The following CACNA2D3 variants were observed in gnomAD, a reference collection of about 807,000 sequenced individuals.
CACNA2D3 encodes the protein voltage-dependent calcium channel subunit alpha-2/delta-3.
In CACNA2D3, 60 loss-of-function variants were observed where a neutral mutation model predicts 160.6. The observed-to-expected ratio is 0.37, with a 90% CI of 0.30 to 0.46. The LOEUF is 0.46. Among genes scored for constraint, CACNA2D3 ranks in the 20% least tolerant of loss-of-function variants. The probability of loss-of-function intolerance (pLI) is 1.00; values close to 1 mark genes in which losing one functional copy is unlikely to be tolerated. For synonymous variants in CACNA2D3, 558 were observed against 492.9 expected (o/e 1.13, Z -1.75); for missense variants, 1,205 against 1,365.0 (o/e 0.88, Z 1.85).
intron 9 of CACNA2D3, among the ~76,000 whole-genome samples, chr3:54,611,297 C>A (rs952164880): frequency 6.6e-6 from 1 of 152,154 alleles, no homozygotes; most frequent in Non-Finnish European, 1.5e-5. Context: ...AATTGTCAAC[C>A]CTTTCTCAGA....
chr3:54,504,756 A>T (rs9841238), intron 5 of CACNA2D3, among the ~76,000 whole-genome samples: 6,310 of 152,218 alleles, frequency 0.041, 454 homozygotes, highest in African/African-American at 0.14. Flanking sequence ...TTAAGTCCTG[A>T]TCTTCCTCTT....
chr3:54,331,269 C>T (rs564788397), intron 3 of CACNA2D3, among the ~76,000 whole-genome samples: 46 of 152,230 alleles, frequency 3.0e-4, no homozygotes, highest in Non-Finnish European at 5.9e-4. Flanking sequence ...CATCCTGGGC[C>T]TCCATGTCCA....
chr3:54,541,903 G>A (rs1421965739), intron 5 of CACNA2D3, among the ~76,000 whole-genome samples: 1 of 150,810 alleles, frequency 6.6e-6, no homozygotes, highest in Non-Finnish European at 1.5e-5. Context: ...CTGTGGTTAA[G>A]TAAGAGGTTA....
intron 13 of CACNA2D3, among the ~76,000 whole-genome samples, chr3:54,806,335 G>T (rs1354084088): frequency 6.6e-6 from 1 of 152,094 alleles, no homozygotes; most frequent in Non-Finnish European, 1.5e-5. Context: ...TCCTTAAGCT[G>T]ATAAGCAACT....
chr3:54,845,433 A>T (rs1698911580), intron 16 of CACNA2D3, among the ~76,000 whole-genome samples: 1 of 152,074 alleles, frequency 6.6e-6, no homozygotes, highest in African/African-American at 2.4e-5. Context: ...AGGAAAAAAA[A>T]ATAGAGGATT....
chr3:54,298,468 G>A (rs552821294), intron 2 of CACNA2D3, among the ~76,000 whole-genome samples: 1 of 152,320 alleles, frequency 6.6e-6, no homozygotes, highest in Non-Finnish European at 1.5e-5. Context: ...TTTGCAGTGA[G>A]TTTACTCAAC....
At chr3:54,996,122 C>T (rs565241826) in intron 31 of CACNA2D3, among the ~76,000 whole-genome samples, 14 of 152,166 alleles carry the variant, frequency 9.2e-5, no homozygotes, top group Non-Finnish European at 2.1e-4. Flanking sequence ...AATGACATGC[C>T]CCACACTGCC....
rs1469861403 is a variant in CACNA2D3 at position 54,985,075 on chromosome 3, C to T, written c.2619+405C>T. 2.6e-5 allele frequency among the ~76,000 whole-genome samples: 4 copies of T among 152,186 alleles called. No homozygotes were observed. In the South Asian group the frequency reaches 6.2e-4, roughly 24 times the overall value. ...CTTCATATGTGTGCACACACATACA[C>T]GTATGTTTCTACATAATTATTGTTT... is the stretch of plus-strand genomic sequence containing the variant. On this transcript the variant is annotated intron_variant, in intron 30 of 37. Transcript: ENST00000474759.
intron 2 of CACNA2D3, among the ~76,000 whole-genome samples, chr3:54,252,946 T>C (rs1245116193): frequency 6.6e-6 from 1 of 152,216 alleles, no homozygotes; most frequent in Non-Finnish European, 1.5e-5. Flanking sequence ...TTCCTGGCTT[T>C]AGCAACCTGC....
chr3:54,237,874 A>C (rs1488876941), intron 2 of CACNA2D3, among the ~76,000 whole-genome samples: 7 of 152,168 alleles, frequency 4.6e-5, no homozygotes, highest in Non-Finnish European at 7.3e-5. Flanking sequence ...AAATGGTTCC[A>C]TGGGTGAATA....
At chr3:54,996,090 G>A (rs1702852386) in intron 31 of CACNA2D3, among the ~76,000 whole-genome samples, 1 of 152,194 alleles carries the variant, frequency 6.6e-6, no homozygotes, top group African/African-American at 2.4e-5. Flanking sequence ...ACACTCAGAG[G>A]TACTAACATT....
chr3:54,538,790 C>G (rs1701926616), intron 5 of CACNA2D3, among the ~76,000 whole-genome samples: 1 of 152,106 alleles, frequency 6.6e-6, no homozygotes, highest in South Asian at 2.1e-4. Flanking sequence ...ATGAGTGACC[C>G]CTGGCCCATT....
intron 11 of CACNA2D3, among the ~76,000 whole-genome samples, chr3:54,731,761 G>A (rs1701391439): frequency 6.6e-6 from 1 of 152,040 alleles, no homozygotes; most frequent in Non-Finnish European, 1.5e-5. Flanking sequence ...GTGTTAAAAT[G>A]TCTGAGTTCT....
At chr3:54,191,132 A>G (rs972444253) in intron 2 of CACNA2D3, among the ~76,000 whole-genome samples, 1 of 152,038 alleles carries the variant, frequency 6.6e-6, no homozygotes, top group Non-Finnish European at 1.5e-5. Context: ...AGTTTTGAAG[A>G]ACTCGTATGA....
At chr3:54,631,169 A>C (rs1699229223) in intron 10 of CACNA2D3, among the ~76,000 whole-genome samples, 1 of 150,508 alleles carries the variant, frequency 6.6e-6, no homozygotes. Context: ...GCACCACTGC[A>C]CTTCAGCCTG....
intron 31 of CACNA2D3, among the ~76,000 whole-genome samples, chr3:54,989,429 T>C (rs1246526623): frequency 2.6e-5 from 4 of 152,152 alleles, no homozygotes; most frequent in Non-Finnish European, 5.9e-5. Flanking sequence ...ACTCAGTTAT[T>C]ACAGCAACTG....
intron 3 of CACNA2D3, among the ~76,000 whole-genome samples, chr3:54,360,516 G>C (rs1698723932): frequency 6.6e-6 from 1 of 152,138 alleles, no homozygotes; most frequent in South Asian, 2.1e-4. Flanking sequence ...CAGGACTCAG[G>C]CTGCAGGGGT....
intron 26 of CACNA2D3, 68 bp from the exon 27 acceptor site, chr3:54,899,720 T>C (rs1045228336): frequency 4.3e-6 from 5 of 1,170,428 alleles, no homozygotes; most frequent in East Asian, 2.5e-5. Context: ...TAGACCGATA[T>C]GATTACTCTC....
intron 13 of CACNA2D3, among the ~76,000 whole-genome samples, chr3:54,801,213 C>A (rs770438619): frequency 4.6e-5 from 7 of 152,076 alleles, no homozygotes; most frequent in Non-Finnish European, 1.0e-4. Context: ...GTGTCAAACT[C>A]CTGACCTCAA....
Sources: gnomAD v4.1 joint callset for allele counts (sites outside exome capture counted in the v4.1 genomes callset) on GRCh38, gnomAD v4.1.1 for gene constraint, MANE v1.5 for transcripts, NCBI Gene and HGNC (gene_info 2026-07-23, HGNC 2026-07-21) for gene names.